UVRAG: variants seen among roughly 807,000 people sequenced by gnomAD.
UVRAG encodes the protein UV radiation resistance associated, also known as UV radiation resistance-associated gene protein.
UVRAG carries 19 observed loss-of-function variants against 78.0 expected under a neutral mutation model. That is an observed-to-expected ratio of 0.24 (90% CI 0.17 to 0.36). UVRAG has a LOEUF of 0.36. Among genes scored for constraint, UVRAG ranks in the 10% least tolerant of loss-of-function variants. UVRAG has a pLI of 1.00. For missense variants in UVRAG, 740 were observed against 853.8 expected, an observed-to-expected ratio of 0.87 and a Z score of 1.66; for synonymous variants, 323 against 324.6, an observed-to-expected ratio of 1.00 and a Z score of 0.05.
At chr11:75,858,851 A>G (rs1946352097) in intron 2 of UVRAG, among the ~76,000 whole-genome samples, 2 of 152,202 alleles carry the variant, frequency 1.3e-5, no homozygotes, top group African/African-American at 4.8e-5. Context: ...CATTCATAGT[A>G]GGAGATAGTT....
intron 7 of UVRAG, among the ~76,000 whole-genome samples, chr11:75,976,535 C>T (rs939994853): frequency 1.3e-5 from 2 of 152,194 alleles, no homozygotes; most frequent in Admixed American, 1.3e-4. Context: ...ATTATTGCCT[C>T]AATTTCAGAG....
chr11:76,063,877 A>G (rs1039036860), intron 12 of UVRAG, among the ~76,000 whole-genome samples: 10 of 152,236 alleles, frequency 6.6e-5, no homozygotes, highest in African/African-American at 2.4e-4. Flanking sequence ...GTATTTTTCA[A>G]GATTGATAGA....
intron 8 of UVRAG, among the ~76,000 whole-genome samples, chr11:75,990,437 TA>T (rs1468930117): frequency 6.6e-6 from 1 of 152,220 alleles, no homozygotes; most frequent in Non-Finnish European, 1.5e-5. Flanking sequence ...TCAGATGAGT[TA>T]TGAAGATGAA....
intron 2 of UVRAG, among the ~76,000 whole-genome samples, chr11:75,854,662 C>G (rs1444803283): frequency 6.6e-6 from 1 of 152,102 alleles, no homozygotes; most frequent in African/African-American, 2.4e-5. Context: ...AGTGACCTGC[C>G]CATCTTAGTC....
At chr11:76,133,159 T>G (rs146129939) in intron 14 of UVRAG, among the ~76,000 whole-genome samples, 1,560 of 152,332 alleles carry the variant, frequency 0.01, 31 homozygotes, top group African/African-American at 0.035. Context: ...TTATTATTAT[T>G]AATAATTTAT....
At chr11:76,022,823 C>CT (rs1168979459) in intron 12 of UVRAG, among the ~76,000 whole-genome samples, 1 of 152,070 alleles carries the variant, frequency 6.6e-6, no homozygotes, top group Non-Finnish European at 1.5e-5. Flanking sequence ...ATGTCTTATG[C>CT]TTTTTTTGTG....
intron 5 of UVRAG, among the ~76,000 whole-genome samples, chr11:75,894,204 C>T (rs968028413): frequency 2.5e-4 from 38 of 152,174 alleles, no homozygotes; most frequent in Non-Finnish European, 8.8e-5. Context: ...GTCTGGACCG[C>T]TGCTTGTCTA....
chr11:76,096,413 G>A (rs907639479), intron 13 of UVRAG, among the ~76,000 whole-genome samples: 2 of 152,122 alleles, frequency 1.3e-5, no homozygotes, highest in African/African-American at 4.8e-5. Flanking sequence ...CTGTCAGGGA[G>A]AAGGAAAAAA....
chr11:76,020,737 G>T (rs993545098), intron 12 of UVRAG, among the ~76,000 whole-genome samples: 1 of 146,368 alleles, frequency 6.8e-6, no homozygotes, highest in African/African-American at 2.5e-5. Flanking sequence ...AGCCACCCCG[G>T]CTAGTGTCCC....
chr11:76,034,938 A>G (rs1444805245), intron 12 of UVRAG, among the ~76,000 whole-genome samples: 1 of 152,190 alleles, frequency 6.6e-6, no homozygotes, highest in African/African-American at 2.4e-5. Context: ...TTAATTAAAC[A>G]CACCAATAAG....
At chr11:75,960,180 G>C (rs1948882355) in intron 6 of UVRAG, among the ~76,000 whole-genome samples, 1 of 151,612 alleles carries the variant, frequency 6.6e-6, no homozygotes, top group African/African-American at 2.4e-5. Flanking sequence ...ATTGACTCAG[G>C]GTTGCCACAA....
intron 4 of UVRAG, among the ~76,000 whole-genome samples, chr11:75,886,663 T>C (rs1191602456): frequency 1.3e-5 from 2 of 152,078 alleles, no homozygotes; most frequent in African/African-American, 4.8e-5. Context: ...AAACAGGGAG[T>C]ATGTGATTAA....
chr11:75,881,448 T>A (rs1946942275), intron 4 of UVRAG, among the ~76,000 whole-genome samples: 1 of 152,220 alleles, frequency 6.6e-6, no homozygotes, highest in Admixed American at 6.5e-5. Flanking sequence ...TCTTCTGAGT[T>A]TCTGATTAGC....
chr11:75,933,548 A>G (rs1236622388), intron 6 of UVRAG, among the ~76,000 whole-genome samples: 3 of 152,314 alleles, frequency 2.0e-5, no homozygotes, highest in African/African-American at 4.8e-5. Context: ...GCAAACAATC[A>G]ATAAAGTGAA....
At chr11:76,106,908 A>T (rs989286023) in intron 13 of UVRAG, among the ~76,000 whole-genome samples, 1 of 102,220 alleles carries the variant, frequency 9.8e-6, no homozygotes, top group African/African-American at 4.2e-5. Flanking sequence ...CCTCCAGAGA[A>T]CATAGCCCTT....
At chr11:76,129,040 T>TTG (rs1952467911) in intron 14 of UVRAG, among the ~76,000 whole-genome samples, 2 of 152,188 alleles carry the variant, frequency 1.3e-5, no homozygotes, top group Non-Finnish European at 1.5e-5. Flanking sequence ...ACTTTGAACA[T>TTG]AGTATTCAGT....
At chr11:76,024,065 G>C (rs1950289215) in intron 12 of UVRAG, among the ~76,000 whole-genome samples, 1 of 152,146 alleles carries the variant, frequency 6.6e-6, no homozygotes, top group Non-Finnish European at 1.5e-5. Context: ...TTTCCAACCA[G>C]CCTTCTCCTA....
intron 12 of UVRAG, among the ~76,000 whole-genome samples, chr11:76,049,194 C>T (rs886146820): frequency 6.6e-6 from 1 of 152,230 alleles, no homozygotes; most frequent in Admixed American, 6.5e-5. Context: ...CACATCCACC[C>T]ACTCCGCTCA....
intron 12 of UVRAG, among the ~76,000 whole-genome samples, chr11:76,063,215 C>T (rs1468344007): frequency 6.6e-6 from 1 of 152,162 alleles, no homozygotes; most frequent in Non-Finnish European, 1.5e-5. Flanking sequence ...TTGGAGCCTA[C>T]AGTATCATAA....
Sources: allele counts gnomAD v4.1 joint callset (sites outside exome capture counted in the v4.1 genomes callset), GRCh38; gene constraint gnomAD v4.1.1; transcripts MANE v1.5; gene names NCBI Gene and HGNC (gene_info 2026-07-23, HGNC 2026-07-21).